The following ANO10 variants were observed in gnomAD, a reference collection of about 807,000 sequenced individuals.
ANO10 encodes the protein anoctamin-10.
A neutral mutation model predicts 74.7 loss-of-function variants in ANO10; 77 were observed. That is an observed-to-expected ratio of 1.03 (90% CI 0.86 to 1.25). The LOEUF (loss-of-function observed/expected upper bound fraction) is 1.25. ANO10 is among the 50% of genes most tolerant of loss of function. The pLI is 0.00. For synonymous variants in ANO10, 279 were observed against 284.9 expected, an observed-to-expected ratio of 0.98 and a Z score of 0.21; for missense variants, 721 against 778.1, an observed-to-expected ratio of 0.93 and a Z score of 0.87.
At chr3:43,485,328 G>A (rs2076434542) in intron 11 of ANO10, 1 of 522,256 alleles carries the variant, frequency 1.9e-6, no homozygotes, top group Non-Finnish European at 3.5e-6. Context: ...GATCCGACAG[G>A]GTGTCCGCTG....
intron 9 of ANO10, among the ~76,000 whole-genome samples, chr3:43,555,804 C>T (rs2079719831): frequency 6.6e-6 from 1 of 152,180 alleles, no homozygotes; most frequent in African/African-American, 2.4e-5. Context: ...TAGTGTAAGT[C>T]AGAGTCCACT....
intron 1 of ANO10, among the ~76,000 whole-genome samples, chr3:43,646,454 A>G (rs1010397606): frequency 6.6e-6 from 1 of 152,192 alleles, no homozygotes; most frequent in Non-Finnish European, 1.5e-5. Flanking sequence ...TAGAGAACTA[A>G]GATAACAAAT....
intron 1 of ANO10, among the ~76,000 whole-genome samples, chr3:43,632,551 TC>T (rs760768045): frequency 3.3e-5 from 5 of 152,274 alleles, no homozygotes; most frequent in Non-Finnish European, 5.9e-5. Context: ...CCTCATGGTT[TC>T]CCTAAACTTT....
chr3:43,383,352 G>A (rs1028975001), intron 12 of ANO10, among the ~76,000 whole-genome samples: 12 of 151,596 alleles, frequency 7.9e-5, no homozygotes, highest in Admixed American at 7.2e-4. Flanking sequence ...TACTTAGGAG[G>A]CTGACACAGG....
At chr3:43,539,782 G>C (rs1365472601) in intron 11 of ANO10, among the ~76,000 whole-genome samples, 1 of 152,190 alleles carries the variant, frequency 6.6e-6, no homozygotes, top group Non-Finnish European at 1.5e-5. Context: ...TAAGAGTACA[G>C]AGAAGCTGTT....
intron 12 of ANO10, among the ~76,000 whole-genome samples, chr3:43,398,167 G>A (rs1429803550): frequency 1.3e-5 from 2 of 152,292 alleles, no homozygotes; most frequent in Admixed American, 1.3e-4. Flanking sequence ...GGTATGGAGA[G>A]GGTTGTTTAG....
intron 4 of ANO10, among the ~76,000 whole-genome samples, chr3:43,592,059 C>T (rs1022976066): frequency 5.3e-5 from 8 of 152,200 alleles, no homozygotes; most frequent in Non-Finnish European, 1.2e-4. Context: ...GAGGGGCGCC[C>T]GCCATTGCTG....
intron 11 of ANO10, among the ~76,000 whole-genome samples, chr3:43,465,750 T>C (rs919651311): frequency 6.6e-6 from 1 of 152,172 alleles, no homozygotes; most frequent in African/African-American, 2.4e-5. Context: ...GTACCAGCAA[T>C]TAAAATTGGA....
chr3:43,368,823 G>C (rs778950665), intron 12 of ANO10, among the ~76,000 whole-genome samples: 1 of 151,978 alleles, frequency 6.6e-6, no homozygotes, highest in African/African-American at 2.4e-5. Flanking sequence ...CTGGGACTAC[G>C]GGCATGAGCC....
intron 11 of ANO10, among the ~76,000 whole-genome samples, chr3:43,467,628 C>G (rs1437844850): frequency 6.6e-6 from 1 of 152,140 alleles, no homozygotes; most frequent in African/African-American, 2.4e-5. Context: ...AGGAAACTTT[C>G]CAGAGTGATA....
At chr3:43,507,139 C>G (rs2077325979) in intron 11 of ANO10, among the ~76,000 whole-genome samples, 3 of 152,146 alleles carry the variant, frequency 2.0e-5, no homozygotes, top group Non-Finnish European at 2.9e-5. Context: ...GGTTTGGTAT[C>G]ATTATCTTTT....
chr3:43,565,887 A>C (rs1455589251), intron 7 of ANO10, among the ~76,000 whole-genome samples, 160 bp from the exon 8 acceptor site: 1 of 152,210 alleles, frequency 6.6e-6, no homozygotes, highest in Non-Finnish European at 1.5e-5. Flanking sequence ...TGAGCGACGC[A>C]GAAGACGGGT....
intron 12 of ANO10, among the ~76,000 whole-genome samples, chr3:43,419,359 GACA>G (rs777486579): frequency 2.8e-4 from 42 of 152,182 alleles, no homozygotes; most frequent in Non-Finnish European, 4.4e-4. Context: ...CGTAGAAGCT[GACA>G]ACAACAGCTG....
chr3:43,523,045 G>A (rs2078029022), intron 11 of ANO10, among the ~76,000 whole-genome samples: 2 of 152,198 alleles, frequency 1.3e-5, no homozygotes, highest in Admixed American at 1.3e-4. Flanking sequence ...TCTGCCATGA[G>A]GTCAGAGATT....
chr3:43,435,695 A>G (rs2093056093), intron 11 of ANO10, among the ~76,000 whole-genome samples: 1 of 152,126 alleles, frequency 6.6e-6, no homozygotes, highest in Non-Finnish European at 1.5e-5. Context: ...AATTTCACCA[A>G]TTATAGGTTT....
rs1372434436 is a variant in ANO10, at chr3:43,425,091, A to G, written c.1914+7520T>C. On this transcript the variant is annotated intron_variant, in intron 12 of 12. Transcript: ENST00000292246. The stretch of plus-strand genomic sequence containing the variant: ...AACATTTCATTCTGAACTAGATGTT[A>G]GCAGATTAATATGTGATTACCTATT... 7.9e-5 allele frequency among the ~76,000 whole-genome samples: 12 copies of G among 152,152 alleles called. 1 individual carries two copies. Among genetic ancestry groups the G allele is most frequent in the Non-Finnish European group, 1.6e-4 (11 of 68,026 alleles).
intron 7 of ANO10, among the ~76,000 whole-genome samples, chr3:43,572,569 C>A (rs2080789553): frequency 6.6e-6 from 1 of 152,192 alleles, no homozygotes; most frequent in African/African-American, 2.4e-5. Flanking sequence ...TAAGCATGAA[C>A]TCCCCTGCCC....
At chr3:43,375,817 A>C (rs1458368377) in intron 12 of ANO10, among the ~76,000 whole-genome samples, 4 of 152,206 alleles carry the variant, frequency 2.6e-5, no homozygotes, top group Non-Finnish European at 5.9e-5. Context: ...TCTTCCTAGA[A>C]CAGAAGCTCC....
intron 11 of ANO10, among the ~76,000 whole-genome samples, chr3:43,537,350 C>T (rs2078757386): frequency 6.6e-6 from 1 of 152,162 alleles, no homozygotes; most frequent in Non-Finnish European, 1.5e-5. Context: ...ATTCCCTCAA[C>T]CTGAGTTCCT....
Sources: allele counts gnomAD v4.1 joint callset (sites outside exome capture counted in the v4.1 genomes callset), GRCh38; gene constraint gnomAD v4.1.1; transcripts MANE v1.5; gene names NCBI Gene and HGNC (gene_info 2026-07-23, HGNC 2026-07-21).